Variants in PTPRG observed in about 807,000 individuals in gnomAD.
The protein encoded by PTPRG is receptor-type tyrosine-protein phosphatase gamma.
PTPRG carries 102 observed loss-of-function variants against 165.3 expected under a neutral mutation model. The observed-to-expected ratio is 0.62, with a 90% CI of 0.53 to 0.73. The LOEUF (loss-of-function observed/expected upper bound fraction) is 0.73, where lower values mean the gene tolerates loss of function less well. Among genes scored for constraint, PTPRG ranks in the 30% least tolerant of loss-of-function variants. PTPRG has a pLI of 0.00. For synonymous variants in PTPRG, 675 were observed against 669.5 expected (o/e 1.01, Z -0.13); for missense variants, 1,866 against 1,861.4 (o/e 1.00, Z -0.05).
Position 61,708,692 on chromosome 3 carries a change from C to T in PTPRG, c.86-40186C>T, listed in dbSNP as rs191946378. On this transcript the variant is annotated intron_variant, in intron 1 of 29. Transcript: ENST00000474889. ...CAGGATGGTCTCGATCTCCTGACCT[C>T]ATGATCCGCCCGCCTCGGCCTCCCA... Among the ~76,000 whole-genome samples, 353 of 152,070 alleles carry T rather than the reference C, an allele frequency of 2.3e-3. 2 individuals are homozygous for T. The highest frequency in any genetic ancestry group is 8.4e-3 in the African/African-American group (348 of 41,472).
intron 14 of PTPRG, among the ~76,000 whole-genome samples, chr3:62,234,173 T>C (rs146272663): frequency 4.0e-3 from 606 of 152,346 alleles, no homozygotes; most frequent in Middle Eastern, 0.034. Flanking sequence ...TCCTCATCCT[T>C]TTACACAGAA....
chr3:61,843,471 G>A (rs1249273039), intron 2 of PTPRG, among the ~76,000 whole-genome samples: 1 of 152,098 alleles, frequency 6.6e-6, no homozygotes, highest in East Asian at 1.9e-4. Flanking sequence ...TCTTCAGGGA[G>A]TATCCTGAGA....
chr3:62,111,040 C>A (rs1248766302), intron 5 of PTPRG, among the ~76,000 whole-genome samples: 1 of 152,156 alleles, frequency 6.6e-6, no homozygotes. Flanking sequence ...GCTTTGGAAC[C>A]TTTACACAGC....
rs757781094 is a variant in PTPRG at position 62,203,181 on chromosome 3, G to A, written c.1386G>A (p.Ala462=). The A allele has an allele frequency of 1.2e-5, 19 of 1,588,012 alleles. No individual in the cohort carries two copies. The highest frequency in any genetic ancestry group is 5.4e-5 in the African/African-American group (4 of 74,178). ...CGGGTGACCCTTTCCAGCCCACAGC[G>A]TCTCCTGCCTCTTCAGCCGACATGG... The part of the protein sequence containing the change: ...TRIVKTGVPT[A]SPASSADMAP... Residue 462 remains alanine (A), a synonymous_variant, in exon 12 of 30, where the codon GCG becomes GCA. Coordinates refer to ENST00000474889, the MANE Select transcript of PTPRG (RefSeq NM_002841.4). The surrounding 1 kb of genome is among the most constrained non-coding windows in gnomAD (Gnocchi z 6.4).
At position 62,195,152 on chromosome 3, in the gene PTPRG, C is replaced by G. The variant is rs1306960794; in HGVS notation, c.1309C>G (p.Gln437Glu). The G allele has an allele frequency of 3.7e-6, 6 of 1,614,098 alleles. No individual in the cohort carries two copies. Among genetic ancestry groups the G allele is most frequent in the Non-Finnish European group, 5.1e-6 (6 of 1,180,048 alleles). ...CRNDMRSDFS[Q>E]TMLFQANTTR... ...GAACGACATGCGCAGCGACTTTAGC[C>G]AGACGATGCTGTTTCAAGGTGAGGC... The change falls in exon 10 of 30, where the codon CAG (glutamine) becomes GAG (glutamate). Residue 437 changes from glutamine to glutamate, a missense_variant. Physicochemically the swap from Gln to Glu is conservative, Grantham distance 29. This residue lies in a region of PTPRG where 1,452 missense variants were observed against 1,463.0 expected (regional missense o/e 0.99). Coordinates refer to ENST00000474889, the MANE Select transcript of PTPRG (RefSeq NM_002841.4). The surrounding 1 kb of genome is among the most constrained non-coding windows in gnomAD (Gnocchi z 4.4).
At chr3:61,997,918 G>A (rs1386787011) in intron 3 of PTPRG, among the ~76,000 whole-genome samples, 2 of 152,134 alleles carry the variant, frequency 1.3e-5, no homozygotes, top group Non-Finnish European at 2.9e-5. Context: ...AGGTGGTCTG[G>A]GGATCCCATC....
chr3:61,650,642 AT>A (rs1381505842), intron 1 of PTPRG, among the ~76,000 whole-genome samples: 1 of 152,232 alleles, frequency 6.6e-6, no homozygotes, highest in Non-Finnish European at 1.5e-5. Flanking sequence ...CATGGAATAA[AT>A]GTTTCCTAAC....
chr3:61,610,982 C>T (rs569794350), intron 1 of PTPRG, among the ~76,000 whole-genome samples: 2 of 152,066 alleles, frequency 1.3e-5, no homozygotes, highest in South Asian at 4.1e-4. Flanking sequence ...CATTTTAAAA[C>T]TATTTTTAGT....
intron 2 of PTPRG, among the ~76,000 whole-genome samples, chr3:61,965,644 T>C (rs980270216): frequency 6.6e-6 from 1 of 152,264 alleles, no homozygotes; most frequent in African/African-American, 2.4e-5. Flanking sequence ...TACAAGTATT[T>C]ATTGTGGTCC....
chr3:62,191,041 A>G (rs2106804281), intron 8 of PTPRG, among the ~76,000 whole-genome samples: 1 of 152,306 alleles, frequency 6.6e-6, no homozygotes, highest in African/African-American at 2.4e-5. Context: ...CTGGCCTAGC[A>G]GAAAAACAGT....
At chr3:61,732,845 C>T (rs974795730) in intron 1 of PTPRG, among the ~76,000 whole-genome samples, 6 of 152,192 alleles carry the variant, frequency 3.9e-5, no homozygotes, top group Non-Finnish European at 8.8e-5. Flanking sequence ...AAAATGTGAA[C>T]ATATGCCTGC....
chr3:62,004,180 TTATATATTTCCTC>T (rs1158324314), intron 4 of PTPRG, among the ~76,000 whole-genome samples: 1 of 152,178 alleles, frequency 6.6e-6, no homozygotes, highest in East Asian at 1.9e-4. Context: ...AATGCCAACC[TTATATATTTCCTC>T]TAATCATGAT....
intron 1 of PTPRG, among the ~76,000 whole-genome samples, chr3:61,683,457 G>T (rs6801886): frequency 0.99 from 151,050 of 152,332 alleles, 74,903 homozygotes; most frequent in Middle Eastern, 1. Context: ...TTAGGAAATA[G>T]GTGGTTCCCA....
rs1575950201 is a variant in PTPRG at position 62,060,181 on chromosome 3, T to C, written c.520-17982T>C. Among the ~76,000 whole-genome samples, 2 of 144,038 alleles carry C rather than the reference T, an allele frequency of 1.4e-5. 1 individual carries two copies. Among genetic ancestry groups the C allele is most frequent in the South Asian group, 4.3e-4 (2 of 4,608 alleles). 94.5% of individuals were successfully genotyped at this position (144,038 alleles called of 152,430 possible). On this transcript the variant is annotated intron_variant, in intron 4 of 29. Transcript: ENST00000474889. ...GAGCCATGGTCACACCACCGCACTC[T>C]AGCCTGAGCAACAGAGTGAGACCCT...
chr3:61,807,939 GC>G (rs2035464617), intron 2 of PTPRG, among the ~76,000 whole-genome samples: 1 of 152,134 alleles, frequency 6.6e-6, no homozygotes, highest in Non-Finnish European at 1.5e-5. Context: ...TTCAACAAAG[GC>G]TCGCAGACCG....
At chr3:61,635,191 T>C (rs1260120625) in intron 1 of PTPRG, among the ~76,000 whole-genome samples, 2 of 152,074 alleles carry the variant, frequency 1.3e-5, no homozygotes, top group East Asian at 3.9e-4. Context: ...CTATTCTTAA[T>C]GTTAAAATAA....
At chr3:61,951,599 C>G (rs2039900079) in intron 2 of PTPRG, among the ~76,000 whole-genome samples, 1 of 152,118 alleles carries the variant, frequency 6.6e-6, no homozygotes, top group Non-Finnish European at 1.5e-5. Context: ...AGAGGACTCC[C>G]CTAATTTCCT....
At chr3:61,621,529 C>T (rs1701456624) in intron 1 of PTPRG, among the ~76,000 whole-genome samples, 1 of 152,170 alleles carries the variant, frequency 6.6e-6, no homozygotes, top group Admixed American at 6.5e-5. Flanking sequence ...CTTTCTGATT[C>T]ATCTCAGCAA....
At chr3:61,603,216 A>T (rs971699384) in intron 1 of PTPRG, among the ~76,000 whole-genome samples, 1 of 152,082 alleles carries the variant, frequency 6.6e-6, no homozygotes, top group African/African-American at 2.4e-5. Flanking sequence ...TAAAGTTTGG[A>T]TGTTTGTCCC....
Sources: gnomAD v4.1 joint callset for allele counts (sites outside exome capture counted in the v4.1 genomes callset) on GRCh38, gnomAD v4.1.1 for gene constraint, gnomAD v4.1.1 regional missense constraint, Gnocchi (gnomAD v3.1) non-coding constraint, MANE v1.5 for transcripts, NCBI Gene and HGNC (gene_info 2026-07-23, HGNC 2026-07-21) for gene names.